Variants in DSG1 observed in about 807,000 individuals in gnomAD.
The protein encoded by DSG1 is desmoglein 1.
In DSG1, 39 loss-of-function variants were observed where a neutral mutation model predicts 97.5. The ratio of observed to expected loss-of-function variants is 0.40; its 90% CI spans 0.31 to 0.52. The LOEUF (loss-of-function observed/expected upper bound fraction) is 0.52, where lower values mean the gene tolerates loss of function less well. DSG1 is among the 20% of genes least tolerant of loss of function. The probability of loss-of-function intolerance (pLI) is 0.53; values close to 1 mark genes in which losing one functional copy is unlikely to be tolerated. For synonymous variants in DSG1, 475 were observed against 443.4 expected, an observed-to-expected ratio of 1.07 and a Z score of -0.90; for missense variants, 1,311 against 1,295.4, an observed-to-expected ratio of 1.01 and a Z score of -0.18.
rs1335523127 is a variant in DSG1 at position 31,355,504 on chromosome 18, T to A, written c.*158T>A. 1.3e-5 allele frequency: 10 copies of A among 746,276 alleles called. No individual in the cohort carries two copies. The highest frequency in any genetic ancestry group is 2.3e-5 in the Non-Finnish European group (10 of 443,034). 46.2% of individuals were successfully genotyped at this position (746,276 alleles called of 1,614,324 possible). A position where few individuals can be genotyped will look rare whatever the true frequency, so the allele number is the denominator to read the frequency against. On this transcript the variant is annotated 3_prime_UTR_variant, in exon 15 of 15. Coordinates refer to ENST00000257192, the MANE Select transcript of DSG1 (RefSeq NM_001942.4). ...TGAGAAAAATAAATGGAAACACCAC[T>A]GCTAGGGGAGAGCTCTCCTTAGCAT...
At position 31,354,610 on chromosome 18, in the gene DSG1, C is replaced by T; in HGVS notation, c.2414C>T (p.Thr805Ile). The change falls in exon 15 of 15, where the codon ACT (threonine) becomes ATT (isoleucine). Residue 805 changes from threonine (T) to isoleucine (I), a missense_variant. Coordinates refer to ENST00000257192, the MANE Select transcript of DSG1 (RefSeq NM_001942.4). ...CCACCAATCTCCCCACATTTCGGCACTACCACAGTAATTTCTGAGAGCACC... is the reference window on the plus strand; with the variant it reads ...CCACCAATCTCCCCACATTTCGGCATTACCACAGTAATTTCTGAGAGCACC... ...GHPPISPHFG[T>I]TTVISESTYP... is the part of the protein sequence containing the mutation. 6.2e-7 allele frequency: 1 copy of T among 1,614,176 alleles called. No homozygotes were observed. Among genetic ancestry groups the T allele is most frequent in the Non-Finnish European group, 8.5e-7 (1 of 1,180,024 alleles).
intron 1 of DSG1, among the ~76,000 whole-genome samples, chr18:31,325,430 C>T (rs916295493): frequency 3.9e-5 from 6 of 152,166 alleles, no homozygotes; most frequent in East Asian, 1.9e-4. Flanking sequence ...AAGGTATGCC[C>T]ATCTCCCATC....
At position 31,336,442 on chromosome 18, in the gene DSG1, A is replaced by G; in HGVS notation, c.1094A>G (p.Tyr365Cys). The G allele has an allele frequency of 6.2e-7, 1 of 1,613,996 alleles. No individual in the cohort carries two copies. The highest frequency in any genetic ancestry group is 8.5e-7 in the Non-Finnish European group (1 of 1,179,910). The change falls in exon 9 of 15, where the codon TAT (tyrosine) becomes TGT (cysteine). Residue 365 changes from tyrosine to cysteine, a missense_variant. This residue lies in a region of DSG1 where 1,038 missense variants were observed against 964.6 expected (regional missense o/e 1.08). Coordinates refer to ENST00000257192, the MANE Select transcript of DSG1 (RefSeq NM_001942.4). ...TTTCATCATTCAATTATGTCTCAAT[A>G]TAAACTGAAAGCATCTGCAATTTCT... ...AEFHHSIMSQ[Y>C]KLKASAISVT...
chr18:31,343,871 G>GAAAGATTAT (rs2071807649), intron 12 of DSG1, 55 bp from the exon 13 acceptor site: 11 of 1,426,238 alleles, frequency 7.7e-6, no homozygotes, highest in Non-Finnish European at 1.1e-5. Context: ...TATGACTGCA[G>GAAAGATTAT]AAAGATTATA....
At chr18:31,337,784 C>T (rs922472788) in intron 9 of DSG1, among the ~76,000 whole-genome samples, 37 of 151,902 alleles carry the variant, frequency 2.4e-4, no homozygotes, top group Admixed American at 2.1e-3. Context: ...AGAAAAACAC[C>T]GAAGTCAAAG....
rs78995670 is a variant in DSG1 at position 31,354,411 on chromosome 18, A to G, written c.2215A>G (p.Ile739Val). Residue 739 changes from isoleucine to valine, a missense_variant, in exon 15 of 15, where the codon ATT becomes GTT. Ile to Val is a conservative substitution (Grantham distance 29). Coordinates refer to ENST00000257192, the MANE Select transcript of DSG1 (RefSeq NM_001942.4). ...PAGSVGCCSFIGEDLDDSFLD... is the reference protein window; with the variant it reads ...PAGSVGCCSFVGEDLDDSFLD... ...TGGCTCTGTGGGTTGTTGTAGCTTC[A>G]TTGGAGAAGACCTGGATGACAGCTT... 10,730 of 1,614,190 alleles carry G rather than the reference A, an allele frequency of 6.6e-3. 32 individuals are homozygous for G. Among genetic ancestry groups the G allele is most frequent in the Non-Finnish European group, 8.5e-3 (9,996 of 1,180,026 alleles).
In DSG1 at chr18:31,355,557, T is replaced by A; in HGVS notation, c.*211T>A. On this transcript the variant is annotated 3_prime_UTR_variant, in exon 15 of 15. Coordinates refer to ENST00000257192, the MANE Select transcript of DSG1 (RefSeq NM_001942.4). Reference sequence around the variant, plus strand: ...ATAAACTTTTCTCTTATATTAGGACTAAGGAACTAAAACTTGAGGCAGAGT... The same window carrying A: ...ATAAACTTTTCTCTTATATTAGGACAAAGGAACTAAAACTTGAGGCAGAGT... The A allele has an allele frequency of 1.7e-6, 1 of 587,032 alleles. No individual in the cohort carries two copies. The highest frequency in any genetic ancestry group is 3.0e-6 in the Non-Finnish European group (1 of 332,770). The allele number at this position is 587,032 out of a possible 1,614,324, so 36.4% of individuals were successfully genotyped here.
At chr18:31,328,946 A>G (rs1190488656) in intron 4 of DSG1, among the ~76,000 whole-genome samples, 4 of 152,110 alleles carry the variant, frequency 2.6e-5, no homozygotes, top group South Asian at 2.1e-4. Flanking sequence ...TAAGTATCCT[A>G]TCTCTTCAAA....
intron 1 of DSG1, among the ~76,000 whole-genome samples, chr18:31,321,971 G>A (rs2071656601): frequency 6.6e-6 from 1 of 152,206 alleles, no homozygotes; most frequent in Admixed American, 6.5e-5. Flanking sequence ...CCCTTGCCCA[G>A]TGCTGGGTCA....
chr18:31,344,536 T>C (rs2071815882), intron 13 of DSG1, among the ~76,000 whole-genome samples: 1 of 152,148 alleles, frequency 6.6e-6, no homozygotes, highest in Admixed American at 6.5e-5. Context: ...ACCTAAAAAA[T>C]ATTTGTCCAA....
intron 14 of DSG1, 74 bp from the exon 15 acceptor site, chr18:31,354,223 T>A: frequency 7.4e-7 from 1 of 1,343,340 alleles, no homozygotes; most frequent in Non-Finnish European, 1.1e-6. Context: ...GAAGAAAAAC[T>A]AATGATAAAG....
chr18:31,343,833 C>T (rs1037136774), intron 12 of DSG1, 93 bp from the exon 13 acceptor site: 2 of 1,204,218 alleles, frequency 1.7e-6, no homozygotes, highest in Non-Finnish European at 1.2e-6. Context: ...TTTAGGAAAT[C>T]TGAGGTAATT....
In DSG1 at chr18:31,356,740, T is replaced by C. The variant is rs759894255; in HGVS notation, c.*1394T>C. ...CTGATTTGATTTGTCAATAAGATCT[T>C]GGCTTATATATGCTGATTTATAGGT... On this transcript the variant is annotated 3_prime_UTR_variant, in exon 15 of 15. Transcript: ENST00000257192. The C allele has an allele frequency of 6.6e-6, 1 of 152,162 alleles. No homozygotes were observed. The highest frequency in any genetic ancestry group is 2.4e-5 in the African/African-American group (1 of 41,438). 9.4% of individuals were successfully genotyped at this position (152,162 alleles called of 1,614,324 possible). A position where few individuals can be genotyped will look rare whatever the true frequency, so the allele number is the denominator to read the frequency against.
At chr18:31,340,903 C>CT (rs2071785229) in intron 11 of DSG1, among the ~76,000 whole-genome samples, 1 of 152,210 alleles carries the variant, frequency 6.6e-6, no homozygotes, top group Admixed American at 6.5e-5. Context: ...GCCTAATCGT[C>CT]TGAGTCTTCC....
intron 1 of DSG1, among the ~76,000 whole-genome samples, chr18:31,323,163 G>T (rs1164100448): frequency 6.6e-6 from 1 of 152,172 alleles, no homozygotes; most frequent in Non-Finnish European, 1.5e-5. Flanking sequence ...CAAAACAGCT[G>T]AGATATACTC....
At chr18:31,336,922 G>A (rs1015674409) in intron 9 of DSG1, among the ~76,000 whole-genome samples, 9 of 152,080 alleles carry the variant, frequency 5.9e-5, no homozygotes, top group South Asian at 2.1e-4. Context: ...GCCGTGATTC[G>A]TCTCTCAGAA....
In DSG1 at chr18:31,355,311, A is replaced by T; in HGVS notation, c.3115A>T (p.Ile1039Phe). Residue 1039 changes from isoleucine (I) to phenylalanine (F), a missense_variant, in exon 15 of 15, where the codon ATC becomes TTC. Transcript: ENST00000257192. ...SASPSTARSRITKYSTVQYSK is the reference protein window; with the variant it reads ...SASPSTARSRFTKYSTVQYSK ...CTCCCCTAGCACAGCTCGAAGTCGAATCACAAAGTATAGTACCGTGCAATA... is the reference window on the plus strand; with the variant it reads ...CTCCCCTAGCACAGCTCGAAGTCGATTCACAAAGTATAGTACCGTGCAATA... 1 of 1,614,222 alleles carries T rather than the reference A, an allele frequency of 6.2e-7. No homozygotes were observed. The highest frequency in any genetic ancestry group is 8.5e-7 in the Non-Finnish European group (1 of 1,180,026).
At position 31,359,155 on chromosome 18, in the gene DSG1, G is replaced by T. The variant is rs537427486; in HGVS notation, c.*3809G>T. On this transcript the variant is annotated 3_prime_UTR_variant, in exon 15 of 15. Coordinates refer to ENST00000257192, the MANE Select transcript of DSG1 (RefSeq NM_001942.4). Reference sequence around the variant, plus strand: ...ATAAAAGTTTTTGGATTATTTGGGTGCTAGTTTCTTGCTTGGTTATCTGTT... The same window carrying T: ...ATAAAAGTTTTTGGATTATTTGGGTTCTAGTTTCTTGCTTGGTTATCTGTT... 1.3e-5 allele frequency among the ~76,000 whole-genome samples: 2 copies of T among 152,174 alleles called. No homozygotes were observed. Among genetic ancestry groups the T allele is most frequent in the East Asian group, 3.9e-4 (2 of 5,182 alleles).
At chr18:31,326,691 A>G in intron 2 of DSG1, 75 bp downstream of exon 2, 1 of 1,414,274 alleles carries the variant, frequency 7.1e-7, no homozygotes, top group Non-Finnish European at 1.0e-6. Flanking sequence ...TGTTTTCTGA[A>G]GAAAATGTAT....
Sources: allele counts gnomAD v4.1 joint callset (sites outside exome capture counted in the v4.1 genomes callset), GRCh38; gene constraint gnomAD v4.1.1; regional missense constraint gnomAD v4.1.1; transcripts MANE v1.5; gene names NCBI Gene and HGNC (gene_info 2026-07-23, HGNC 2026-07-21).